USP13: variants seen among roughly 807,000 people sequenced by gnomAD.
USP13 encodes ubiquitin specific peptidase 13.
In USP13, 68 loss-of-function variants were observed where a neutral mutation model predicts 107.8. That is an observed-to-expected ratio of 0.63 (90% confidence interval 0.52 to 0.77). The LOEUF (loss-of-function observed/expected upper bound fraction) is 0.77, where lower values mean the gene tolerates loss of function less well. Among genes scored for constraint, USP13 ranks in the 30% least tolerant of loss-of-function variants. USP13 has a pLI of 0.00. For synonymous variants in USP13, 377 were observed against 389.5 expected (o/e 0.97, Z 0.38); for missense variants, 945 against 1,093.3 (o/e 0.86, Z 1.91).
chr3:179,660,618 C>T (rs762313313), intron 1 of USP13, among the ~76,000 whole-genome samples: 3 of 152,176 alleles, frequency 2.0e-5, no homozygotes, highest in African/African-American at 4.8e-5. Flanking sequence ...GTTTGAGTCC[C>T]TGTAGATTCT....
chr3:179,666,038 G>T (rs1720576626), intron 1 of USP13, among the ~76,000 whole-genome samples: 1 of 152,210 alleles, frequency 6.6e-6, no homozygotes, highest in Admixed American at 6.5e-5. Context: ...GGTGGACAAA[G>T]GTATGGAGTT....
At chr3:179,737,045 A>G (rs1576965048) in intron 10 of USP13, among the ~76,000 whole-genome samples, 2 of 152,246 alleles carry the variant, frequency 1.3e-5, no homozygotes, top group Non-Finnish European at 2.9e-5. Flanking sequence ...AAGTGGAGAA[A>G]TAACTGTTGG....
At chr3:179,751,473 G>A (rs1238540294) in intron 13 of USP13, among the ~76,000 whole-genome samples, 1 of 152,004 alleles carries the variant, frequency 6.6e-6, no homozygotes, top group Admixed American at 6.6e-5. Context: ...CCCTTCGTCC[G>A]CCAACTCTGC....
intron 10 of USP13, among the ~76,000 whole-genome samples, chr3:179,739,574 T>G (rs1327823835): frequency 6.6e-6 from 1 of 152,194 alleles, no homozygotes. Context: ...ATTTATTTAT[T>G]GAGATGGAGT....
chr3:179,775,714 C>T (rs1715507919), intron 19 of USP13, among the ~76,000 whole-genome samples: 1 of 152,218 alleles, frequency 6.6e-6, no homozygotes, highest in African/African-American at 2.4e-5. Context: ...AGCAGGCTGG[C>T]ACTGCTGGCG....
At chr3:179,658,008 G>A (rs1720329801) in intron 1 of USP13, among the ~76,000 whole-genome samples, 3 of 152,078 alleles carry the variant, frequency 2.0e-5, no homozygotes, top group Admixed American at 6.6e-5. Context: ...TTTCCAGGTG[G>A]TCAGTTCCAG....
intron 17 of USP13, among the ~76,000 whole-genome samples, 158 bp downstream of exon 17, chr3:179,761,413 T>C (rs1715007873): frequency 6.7e-6 from 1 of 148,364 alleles, no homozygotes; most frequent in Non-Finnish European, 1.5e-5. Context: ...TTTTTCTTCT[T>C]CTTTTTTTTT....
chr3:179,690,149 G>A, intron 2 of USP13, 92 bp from the exon 3 acceptor site: 1 of 1,241,638 alleles, frequency 8.1e-7, no homozygotes, highest in Non-Finnish European at 1.1e-6. Context: ...TTGGCCTTCT[G>A]TAAAAACTAG....
chr3:179,709,601 T>C lies in USP13; in HGVS notation c.805+644T>C, dbSNP rs559848363. On this transcript the variant is annotated intron_variant, in intron 6 of 20. Transcript: ENST00000263966. ...TGAAACATTAGCTTTTGGCCATGTTTGTACAGTTAATACCTTCTACCATTT... is the reference window on the plus strand; with the variant it reads ...TGAAACATTAGCTTTTGGCCATGTTCGTACAGTTAATACCTTCTACCATTT... 2.4e-3 allele frequency among the ~76,000 whole-genome samples: 368 copies of C among 152,334 alleles called. 2 individuals are homozygous for C. Among genetic ancestry groups the C allele is most frequent in the Middle Eastern group, 0.014 (4 of 294 alleles).
At chr3:179,711,464 C>T (rs1264778210) in intron 6 of USP13, among the ~76,000 whole-genome samples, 3 of 152,192 alleles carry the variant, frequency 2.0e-5, no homozygotes, top group East Asian at 1.9e-4. Context: ...CCACCCACCT[C>T]GGCCTCTCAA....
chr3:179,681,245 G>C (rs1711642555), intron 1 of USP13, among the ~76,000 whole-genome samples: 1 of 152,174 alleles, frequency 6.6e-6, no homozygotes, highest in South Asian at 2.1e-4. Context: ...GCGAGTTACA[G>C]AGAAACGCCA....
At chr3:179,768,465 C>T (rs1214213338) in intron 19 of USP13, among the ~76,000 whole-genome samples, 5 of 152,128 alleles carry the variant, frequency 3.3e-5, no homozygotes, top group Non-Finnish European at 7.4e-5. Flanking sequence ...CACTATGGGT[C>T]AACCAAGGGA....
rs963185634 is a variant in USP13, at chr3:179,786,801, A to G, written c.*2660A>G. On this transcript the variant is annotated 3_prime_UTR_variant, in exon 21 of 21. Coordinates refer to ENST00000263966, the MANE Select transcript of USP13 (RefSeq NM_003940.3). ...ATTATCAGTCTGTTAGCAGTCCTCT[A>G]TGTGAGGCATGGTGGTCTAATTGTG... The G allele has an allele frequency of 2.0e-5, 3 of 152,238 alleles. No individual in the cohort carries two copies. Among genetic ancestry groups the G allele is most frequent in the Non-Finnish European group, 2.9e-5 (2 of 68,044 alleles). The allele number at this position is 152,238 out of a possible 1,614,324, so 9.4% of individuals were successfully genotyped here.
At chr3:179,717,152 A>G (rs1343540491) in intron 6 of USP13, among the ~76,000 whole-genome samples, 3 of 152,200 alleles carry the variant, frequency 2.0e-5, no homozygotes, top group Non-Finnish European at 4.4e-5. Context: ...ATTTACTACC[A>G]TAGTTTCTGC....
rs141651086 is a variant in USP13, at chr3:179,734,918, C to T, written c.1254+4209C>T. Among the ~76,000 whole-genome samples, 422 of 152,184 alleles carry T rather than the reference C, an allele frequency of 2.8e-3. 2 individuals are homozygous for T. Among genetic ancestry groups the T allele is most frequent in the African/African-American group, 9.6e-3 (400 of 41,522 alleles). On this transcript the variant is annotated intron_variant, in intron 10 of 20. Transcript: ENST00000263966. ...CTGCTTGCTTATTAATTAAAGCATT[C>T]GGCTCAGGGGAATATGGTGGACTGT...
At chr3:179,725,129 T>C (rs1228502655) in intron 8 of USP13, among the ~76,000 whole-genome samples, 4 of 152,144 alleles carry the variant, frequency 2.6e-5, no homozygotes, top group Non-Finnish European at 4.4e-5. Context: ...GGAGAATTGC[T>C]TGAAGTTGGG....
At chr3:179,694,409 C>T (rs1034726083) in intron 3 of USP13, among the ~76,000 whole-genome samples, 55 of 152,302 alleles carry the variant, frequency 3.6e-4, no homozygotes, top group African/African-American at 1.2e-3. Flanking sequence ...CTGCTTCACC[C>T]TCCATCCTGG....
intron 1 of USP13, among the ~76,000 whole-genome samples, chr3:179,677,536 C>T (rs879724297): frequency 5.3e-5 from 8 of 151,724 alleles, no homozygotes; most frequent in South Asian, 2.1e-4. Flanking sequence ...GCCAAGATCG[C>T]GCCATTGCAT....
At position 179,718,095 on chromosome 3, in the gene USP13, T is replaced by TC. The variant is rs1159554230; in HGVS notation, c.806-1845_806-1844insC. On this transcript the variant is annotated intron_variant, in intron 6 of 20. Transcript: ENST00000263966. ...GGAGCTCCTTGGACAGTCTGTCTTA[T>TC]ACTGTCCCTAAGAGTGATATCTTCA... is the stretch of plus-strand genomic sequence containing the variant. Among the ~76,000 whole-genome samples, 4 of 152,138 alleles carry TC rather than the reference T, an allele frequency of 2.6e-5. No individual in the cohort carries two copies. In the East Asian group the frequency reaches 7.7e-4, roughly 29 times the overall value.
Sources: gnomAD v4.1 joint callset for allele counts (sites outside exome capture counted in the v4.1 genomes callset) on GRCh38, gnomAD v4.1.1 for gene constraint, MANE v1.5 for transcripts, NCBI Gene and HGNC (gene_info 2026-07-23, HGNC 2026-07-21) for gene names.